The following STMN2 variants were observed in gnomAD, a reference collection of about 807,000 sequenced individuals.
STMN2 encodes the protein stathmin-2.
In STMN2, 2 loss-of-function variants were observed where a neutral mutation model predicts 24.1. That is an observed-to-expected ratio of 0.08 (90% CI 0.03 to 0.26). STMN2 has a LOEUF of 0.26. STMN2 is among the 10% of genes least tolerant of loss of function. STMN2 has a pLI of 1.00. For missense variants in STMN2, 114 were observed against 213.6 expected, an observed-to-expected ratio of 0.53 and a Z score of 2.91; for synonymous variants, 83 against 77.5, an observed-to-expected ratio of 1.07 and a Z score of -0.37.
At chr8:79,624,430 G>A (rs1234329976) in intron 1 of STMN2, among the ~76,000 whole-genome samples, 1 of 142,214 alleles carries the variant, frequency 7.0e-6, no homozygotes, top group East Asian at 2.0e-4. Context: ...CTCCAGCCTG[G>A]GCGACAGAGC....
intron 1 of STMN2, among the ~76,000 whole-genome samples, chr8:79,624,461 A>G: frequency 6.7e-6 from 1 of 148,922 alleles, no homozygotes; most frequent in Non-Finnish European, 1.5e-5. Context: ...CTCAAAAAAA[A>G]AAAAAAAAAA....
At chr8:79,658,041 G>C (rs1806415595) in intron 4 of STMN2, among the ~76,000 whole-genome samples, 1 of 152,210 alleles carries the variant, frequency 6.6e-6, no homozygotes, top group Admixed American at 6.5e-5. Flanking sequence ...TGTAATCCCA[G>C]CACTTTGGGA....
chr8:79,637,591 G>T (rs1457257131), intron 2 of STMN2, among the ~76,000 whole-genome samples: 2 of 152,056 alleles, frequency 1.3e-5, no homozygotes, highest in African/African-American at 2.4e-5. Context: ...TCTTCCTCTT[G>T]GAGTTGTTGT....
chr8:79,629,132 A>G (rs1277289036), intron 1 of STMN2, among the ~76,000 whole-genome samples: 1 of 152,216 alleles, frequency 6.6e-6, no homozygotes, highest in Non-Finnish European at 1.5e-5. Context: ...ACACTGTAGA[A>G]CAATAGGACG....
chr8:79,638,868 A>T (rs1810029132), intron 2 of STMN2, among the ~76,000 whole-genome samples: 1 of 152,126 alleles, frequency 6.6e-6, no homozygotes, highest in East Asian at 1.9e-4. Context: ...TTATCAAATA[A>T]GCTGTTTTTA....
chr8:79,655,067 T>A lies in STMN2; in HGVS notation c.480+5T>A. 6.2e-7 allele frequency: 1 copy of A among 1,613,778 alleles called. No individual in the cohort carries two copies. Among genetic ancestry groups the A allele is most frequent in the Non-Finnish European group, 8.5e-7 (1 of 1,179,796 alleles). ...ATTGAACGTCTGCAGGAAAAGGTAA[T>A]CTCAGCAGAGTCCTGAGCAGATGGA... On this transcript the variant is annotated splice_donor_5th_base_variant and intron_variant, in intron 4 of 4. Coordinates refer to ENST00000220876, the MANE Select transcript of STMN2 (RefSeq NM_007029.4).
intron 3 of STMN2, among the ~76,000 whole-genome samples, chr8:79,653,622 C>A (rs1339197498): frequency 2.0e-5 from 3 of 152,176 alleles, no homozygotes; most frequent in African/African-American, 7.2e-5. Flanking sequence ...TACAAAAAGA[C>A]CTTTCCAGTA....
intron 2 of STMN2, among the ~76,000 whole-genome samples, chr8:79,638,554 G>A (rs558366412): frequency 2.0e-5 from 3 of 152,246 alleles, no homozygotes; most frequent in Admixed American, 6.5e-5. Context: ...AGATAATAAC[G>A]TGACTTGTTT....
intron 3 of STMN2, among the ~76,000 whole-genome samples, chr8:79,643,147 G>GTATATA (rs1345234934): frequency 3.7e-5 from 3 of 80,756 alleles, no homozygotes; most frequent in African/African-American, 9.1e-5. Flanking sequence ...GTATGTGTGT[G>GTATATA]TGTATATATA....
At chr8:79,613,644 CTTGT>C in intron 1 of STMN2, 19 of 985,398 alleles carry the variant, frequency 1.9e-5, no homozygotes, top group Non-Finnish European at 2.2e-5. Context: ...ATTCAGTAGC[CTTGT>C]TTGTTCTCAT....
At chr8:79,619,247 C>T (rs1200082909) in intron 1 of STMN2, among the ~76,000 whole-genome samples, 1 of 152,026 alleles carries the variant, frequency 6.6e-6, no homozygotes, top group Non-Finnish European at 1.5e-5. Context: ...AGTTGTATGT[C>T]TTTATATCAG....
chr8:79,641,658 ACAC>A, intron 3 of STMN2, 108 bp downstream of exon 3: 1 of 823,640 alleles, frequency 1.2e-6, no homozygotes, highest in Admixed American at 2.7e-5. Flanking sequence ...ACACACACAC[ACAC>A]ACACACACAC....
chr8:79,616,935 G>A (rs984549688), intron 1 of STMN2, among the ~76,000 whole-genome samples: 1 of 152,176 alleles, frequency 6.6e-6, no homozygotes, highest in Non-Finnish European at 1.5e-5. Context: ...AAGAAGAAAT[G>A]AATGTGAATG....
chr8:79,663,715 A>T, intron 4 of STMN2: 2 of 1,379,756 alleles, frequency 1.4e-6, no homozygotes, highest in Non-Finnish European at 1.9e-6. Context: ...TAGCATCTTA[A>T]AATTTCAATT....
intron 1 of STMN2, among the ~76,000 whole-genome samples, chr8:79,619,214 G>A (rs551966962): frequency 2.6e-5 from 4 of 152,092 alleles, no homozygotes; most frequent in South Asian, 2.1e-4. Flanking sequence ...AGATCATCAG[G>A]ATAATAAATC....
chr8:79,630,384 TAGTC>T lies in STMN2; in HGVS notation c.20-6415_20-6412del, dbSNP rs1289267657. On this transcript the variant is annotated intron_variant, in intron 1 of 4. Coordinates refer to ENST00000220876, the MANE Select transcript of STMN2 (RefSeq NM_007029.4). ...TTATGCAATCTTACATACAAAGTCATAGTCAGGCTAAATTCAAAAACACATGTGA... is the reference window on the plus strand; with the variant it reads ...TTATGCAATCTTACATACAAAGTCATAGGCTAAATTCAAAAACACATGTGA... Among the ~76,000 whole-genome samples the T allele has an allele frequency of 6.6e-5, 10 of 152,196 alleles. No homozygotes were observed. The East Asian group carries it at 7.7e-4, about 12-fold the overall frequency.
intron 1 of STMN2, chr8:79,621,015 C>T: frequency 2.0e-6 from 2 of 985,294 alleles, no homozygotes; most frequent in Non-Finnish European, 2.4e-6. Context: ...GAGTTACGTC[C>T]TCTGTGGAGC....
chr8:79,617,301 G>A (rs879737753), intron 1 of STMN2, among the ~76,000 whole-genome samples: 1 of 152,306 alleles, frequency 6.6e-6, no homozygotes, highest in Admixed American at 6.5e-5. Flanking sequence ...TGCAGTGACT[G>A]GCTGACCATG....
chr8:79,660,183 C>G (rs551943356), intron 4 of STMN2, among the ~76,000 whole-genome samples: 8 of 152,256 alleles, frequency 5.3e-5, no homozygotes, highest in African/African-American at 1.7e-4. Flanking sequence ...GACAGCAGGA[C>G]GATGGAGGGA....
Sources: gnomAD v4.1 joint callset for allele counts (sites outside exome capture counted in the v4.1 genomes callset) on GRCh38, gnomAD v4.1.1 for gene constraint, MANE v1.5 for transcripts, NCBI Gene and HGNC (gene_info 2026-07-23, HGNC 2026-07-21) for gene names.